The following C10orf67 variants were observed in gnomAD, a reference collection of about 807,000 sequenced individuals.
C10orf67 encodes chromosome 10 open reading frame 67.
Under a neutral mutation model 35.6 loss-of-function variants are expected in C10orf67, and 60 were observed. The observed-to-expected ratio is 1.68, with a 90% CI of 1.37 to 2.09. C10orf67 has a LOEUF of 2.09. Among genes scored for constraint, C10orf67 ranks in the 30% most tolerant of loss-of-function variants. The pLI is 0.00. For synonymous variants in C10orf67, 167 were observed against 115.8 expected (o/e 1.44, Z -2.84); for missense variants, 474 against 330.2 (o/e 1.44, Z -3.38).
chr10:23,281,711 G>T (rs2132236094), intron 8 of C10orf67, among the ~76,000 whole-genome samples: 1 of 152,234 alleles, frequency 6.6e-6, no homozygotes, highest in East Asian at 1.9e-4. Context: ...AAAATAGCGG[G>T]CTCTCATATT....
At chr10:23,275,138 T>A (rs1160104125) in intron 8 of C10orf67, among the ~76,000 whole-genome samples, 1 of 152,116 alleles carries the variant, frequency 6.6e-6, no homozygotes. Context: ...AATTACTTCC[T>A]TACAGAGAGT....
chr10:23,212,389 T>C (rs1360063873), intron 15 of C10orf67, among the ~76,000 whole-genome samples: 1 of 152,200 alleles, frequency 6.6e-6, no homozygotes, highest in Non-Finnish European at 1.5e-5. Context: ...ACACGTCTCT[T>C]GTTTCAGCTG....
chr10:23,250,408 G>A, intron 12 of C10orf67, 47 bp downstream of exon 12: 1 of 397,994 alleles, frequency 2.5e-6, no homozygotes. Flanking sequence ...CTTAAAGGAT[G>A]ATTAGTCATG....
At chr10:23,271,799 C>A (rs1843032915) in intron 8 of C10orf67, among the ~76,000 whole-genome samples, 1 of 152,152 alleles carries the variant, frequency 6.6e-6, no homozygotes, top group Non-Finnish European at 1.5e-5. Context: ...TGTAAGAGTT[C>A]TTTGCATAGT....
chr10:23,288,033 G>A (rs1240081520), intron 7 of C10orf67, among the ~76,000 whole-genome samples: 1 of 152,190 alleles, frequency 6.6e-6, no homozygotes, highest in Non-Finnish European at 1.5e-5. Flanking sequence ...ATGCAAATTA[G>A]TTCAACCATT....
intron 2 of C10orf67, among the ~76,000 whole-genome samples, chr10:23,328,322 A>C (rs111871503): frequency 2.0e-5 from 3 of 152,142 alleles, no homozygotes; most frequent in African/African-American, 7.2e-5. Flanking sequence ...AGGTCAAGTG[A>C]TCATGTGATA....
intron 12 of C10orf67, among the ~76,000 whole-genome samples, chr10:23,248,435 A>G (rs1183098629): frequency 2.0e-5 from 3 of 152,194 alleles, no homozygotes; most frequent in Non-Finnish European, 4.4e-5. Context: ...TCCTGGAAAT[A>G]AGAACTCGGC....
chr10:23,281,517 G>T (rs1337766884), intron 8 of C10orf67, among the ~76,000 whole-genome samples: 1 of 151,924 alleles, frequency 6.6e-6, no homozygotes, highest in African/African-American at 2.4e-5. Context: ...CTGCTGTGGC[G>T]GGGCTGGGGG....
At position 23,233,821 on chromosome 10, in the gene C10orf67, G is replaced by A. The variant is rs58555234; in HGVS notation, c.1434+5908C>T. On this transcript the variant is annotated intron_variant, in intron 13 of 15. Coordinates refer to ENST00000636213, the MANE Select transcript of C10orf67 (RefSeq NM_001371909.1). Reference sequence around the variant, plus strand: ...TGGTTTTGATAATTTCAGAAATGTAGTGGGTACTTGAGTTTACCTTAAAGT... The same window carrying A: ...TGGTTTTGATAATTTCAGAAATGTAATGGGTACTTGAGTTTACCTTAAAGT... Among the ~76,000 whole-genome samples, 459 of 152,268 alleles carry A rather than the reference G, an allele frequency of 3.0e-3. 14 individuals carry two copies. In the East Asian group the frequency reaches 0.05, roughly 17 times the overall value.
At chr10:23,272,863 T>C (rs4748850) in intron 8 of C10orf67, among the ~76,000 whole-genome samples, 20,566 of 152,236 alleles carry the variant, frequency 0.14, 2,650 homozygotes, top group East Asian at 0.66. Flanking sequence ...CTTTCATTTA[T>C]TTCAGCAGTA....
intron 15 of C10orf67, among the ~76,000 whole-genome samples, chr10:23,204,882 CA>C (rs1465068268): frequency 4.6e-5 from 7 of 152,186 alleles, no homozygotes; most frequent in African/African-American, 1.7e-4. Context: ...AAAGCCACAA[CA>C]TGGGATGTGA....
chr10:23,236,173 C>G (rs1337990666), intron 13 of C10orf67, among the ~76,000 whole-genome samples: 3 of 146,698 alleles, frequency 2.0e-5, no homozygotes, highest in African/African-American at 7.7e-5. Context: ...GGTGTGAACC[C>G]GGGAGGCGGA....
rs1450952299 is a variant in C10orf67 at position 23,223,671 on chromosome 10, C to A, written c.1510-13G>T. On this transcript the variant is annotated splice_polypyrimidine_tract_variant and intron_variant, in intron 14 of 15. Coordinates refer to ENST00000636213, the MANE Select transcript of C10orf67 (RefSeq NM_001371909.1). ...GCTTACCGTCTATCTGTAAGTGAAC[C>A]AAAACTTTTCATTACTTAAGTTGAA... 1.4e-6 allele frequency: 1 copy of A among 717,270 alleles called. No individual in the cohort carries two copies. The highest frequency in any genetic ancestry group is 1.7e-5 in the African/African-American group (1 of 57,298). The allele number at this position is 717,270 out of a possible 1,614,324, so 44.4% of individuals were successfully genotyped here. A position where few individuals can be genotyped will look rare whatever the true frequency, so the allele number is the denominator to read the frequency against.
At chr10:23,343,907 T>A (rs1296403023) in intron 1 of C10orf67, 5 of 464,452 alleles carry the variant, frequency 1.1e-5, no homozygotes, top group Non-Finnish European at 1.8e-5. Context: ...GCTGGTCACC[T>A]GGGGTTGAAC....
intron 12 of C10orf67, among the ~76,000 whole-genome samples, chr10:23,249,929 C>T (rs1454467999): frequency 1.3e-5 from 2 of 152,148 alleles, no homozygotes; most frequent in South Asian, 4.1e-4. Context: ...TTCCAATTTG[C>T]ATCGTTTTTG....
intron 2 of C10orf67, among the ~76,000 whole-genome samples, chr10:23,324,149 T>C (rs1453848773): frequency 6.0e-5 from 9 of 151,048 alleles, no homozygotes; most frequent in Admixed American, 1.3e-4. Flanking sequence ...TGTTCCTATC[T>C]GGTGGGGTGG....
At chr10:23,253,665 A>G (rs2132164836) in intron 10 of C10orf67, among the ~76,000 whole-genome samples, 1 of 151,970 alleles carries the variant, frequency 6.6e-6, no homozygotes, top group Non-Finnish European at 1.5e-5. Flanking sequence ...TGCTTATTTA[A>G]AAAAAAACTG....
chr10:23,307,184 C>T (rs1293262888), intron 4 of C10orf67, among the ~76,000 whole-genome samples: 2 of 152,172 alleles, frequency 1.3e-5, no homozygotes, highest in Non-Finnish European at 2.9e-5. Flanking sequence ...GATAATGTTA[C>T]TTACTTCCAG....
intron 5 of C10orf67, among the ~76,000 whole-genome samples, chr10:23,298,954 C>G (rs1843981148): frequency 6.6e-6 from 1 of 152,160 alleles, no homozygotes; most frequent in Admixed American, 6.5e-5. Context: ...TTCCTGAACC[C>G]TTGGGGTAAA....
Sources: gnomAD v4.1 joint callset for allele counts (sites outside exome capture counted in the v4.1 genomes callset) on GRCh38, gnomAD v4.1.1 for gene constraint, MANE v1.5 for transcripts, NCBI Gene and HGNC (gene_info 2026-07-23, HGNC 2026-07-21) for gene names.